Variants in CELF4 observed in about 807,000 individuals in gnomAD.
The protein encoded by CELF4 is CUG-BP- and ETR-3-like factor 4.
Under a neutral mutation model 59.9 loss-of-function variants are expected in CELF4, and 18 were observed. The observed-to-expected ratio is 0.30, with a 90% CI of 0.21 to 0.45. The LOEUF is 0.45. Ranked by LOEUF, CELF4 falls within the 20% of genes least tolerant of loss-of-function variation. The pLI, the probability that CELF4 is intolerant of heterozygous loss-of-function variation, is 1.00. For missense variants in CELF4, 456 were observed against 689.0 expected (o/e 0.66, Z 3.79); for synonymous variants, 261 against 267.1 (o/e 0.98, Z 0.22).
chr18:37,389,812 A>G (rs2099138366), intron 2 of CELF4, among the ~76,000 whole-genome samples: 1 of 152,154 alleles, frequency 6.6e-6, no homozygotes, highest in African/African-American at 2.4e-5. Context: ...CCCACACTGA[A>G]TCTGGCACAT....
At chr18:37,319,850 G>A (rs1299531210) in intron 3 of CELF4, among the ~76,000 whole-genome samples, 1 of 152,334 alleles carries the variant, frequency 6.6e-6, no homozygotes, top group African/African-American at 2.4e-5. Flanking sequence ...GGGACACTTG[G>A]GCCAGAGCCC....
chr18:37,421,438 T>A (rs748940184), intron 2 of CELF4, among the ~76,000 whole-genome samples: 2 of 152,248 alleles, frequency 1.3e-5, no homozygotes, highest in Non-Finnish European at 2.9e-5. Flanking sequence ...GCTTTCTTCT[T>A]TAGCTGTGGT....
intron 1 of CELF4, among the ~76,000 whole-genome samples, chr18:37,528,605 C>T (rs1045302375): frequency 5.3e-5 from 8 of 152,156 alleles, no homozygotes; most frequent in Admixed American, 3.9e-4. Flanking sequence ...ATTCCAGTTT[C>T]CACAACAGAA....
At chr18:37,496,176 T>TG (rs1164197527) in intron 1 of CELF4, among the ~76,000 whole-genome samples, 3 of 152,246 alleles carry the variant, frequency 2.0e-5, no homozygotes, top group Non-Finnish European at 4.4e-5. Flanking sequence ...CAGCCCTTGC[T>TG]GGGTCTCCTT....
At chr18:37,427,932 C>T (rs1473763068) in intron 2 of CELF4, among the ~76,000 whole-genome samples, 1 of 152,198 alleles carries the variant, frequency 6.6e-6, no homozygotes, top group Non-Finnish European at 1.5e-5. Context: ...TTTTACTAGG[C>T]CAGACTTCTA....
At chr18:37,353,707 C>A (rs1269032857) in intron 2 of CELF4, among the ~76,000 whole-genome samples, 1 of 133,654 alleles carries the variant, frequency 7.5e-6, no homozygotes, top group Non-Finnish European at 1.5e-5. Context: ...CCTGCCCAGA[C>A]TTCAGGTAGA....
At chr18:37,496,047 T>G (rs932505174) in intron 1 of CELF4, among the ~76,000 whole-genome samples, 1 of 151,904 alleles carries the variant, frequency 6.6e-6, no homozygotes, top group Non-Finnish European at 1.5e-5. Context: ...CTGTGGGCCT[T>G]TTCTTATTCC....
chr18:37,318,954 C>G (rs929803360), intron 3 of CELF4, among the ~76,000 whole-genome samples: 9 of 152,262 alleles, frequency 5.9e-5, no homozygotes, highest in African/African-American at 2.2e-4. Flanking sequence ...TTCATGCCAT[C>G]CCCCCTTCTC....
At chr18:37,353,220 C>CAA (rs768540669) in intron 2 of CELF4, among the ~76,000 whole-genome samples, 5,466 of 96,598 alleles carry the variant, frequency 0.057, 266 homozygotes, top group African/African-American at 0.071. Context: ...GACTCCGTCT[C>CAA]AAAAAAAAAA....
At chr18:37,310,846 C>G (rs1033327621) in intron 3 of CELF4, among the ~76,000 whole-genome samples, 1 of 152,190 alleles carries the variant, frequency 6.6e-6, no homozygotes, top group African/African-American at 2.4e-5. Context: ...TGGGAACTTT[C>G]TCTCCTCTCG....
chr18:37,484,897 T>A (rs1334108095), intron 2 of CELF4, among the ~76,000 whole-genome samples: 1 of 152,022 alleles, frequency 6.6e-6, no homozygotes, highest in Non-Finnish European at 1.5e-5. Flanking sequence ...CTCTCCCCCC[T>A]CACCACCGCC....
intron 3 of CELF4, among the ~76,000 whole-genome samples, chr18:37,304,532 G>C (rs533357194): frequency 2.0e-5 from 3 of 151,956 alleles, no homozygotes; most frequent in Admixed American, 6.6e-5. Context: ...AGGACAAACC[G>C]ACCAAAGAAT....
chr18:37,473,310 T>C (rs2099839332), intron 2 of CELF4: 1 of 152,140 alleles, frequency 6.6e-6, no homozygotes, highest in African/African-American at 2.4e-5. Context: ...GCCGACCCAC[T>C]TTCAGAGGGT....
intron 2 of CELF4, among the ~76,000 whole-genome samples, chr18:37,389,664 CCT>C (rs1334348858): frequency 2.0e-5 from 3 of 152,146 alleles, no homozygotes; most frequent in Non-Finnish European, 4.4e-5. Flanking sequence ...CACACACACC[CCT>C]GAGGATGGTC....
chr18:37,452,829 C>G (rs956481278), intron 2 of CELF4, among the ~76,000 whole-genome samples: 1 of 152,212 alleles, frequency 6.6e-6, no homozygotes, highest in East Asian at 1.9e-4. Context: ...TTCGCCTCTG[C>G]ATAGCCACAT....
Position 37,459,499 on chromosome 18 carries a change from C to T in CELF4, c.369+26026G>A, listed in dbSNP as rs1410184727. ...TCTTAGCATGGAGTCCTCACATTTT[C>T]ATAACCACAGTCATCCACAGGATTC... On this transcript the variant is annotated intron_variant, in intron 2 of 12. Coordinates refer to ENST00000420428, the MANE Select transcript of CELF4 (RefSeq NM_020180.4). 9.9e-5 allele frequency among the ~76,000 whole-genome samples: 15 copies of T among 152,162 alleles called. 1 individual carries two copies. Among genetic ancestry groups the T allele is most frequent in the Admixed American group, 9.8e-4 (15 of 15,282 alleles).
chr18:37,329,517 T>C (rs1171308558), intron 2 of CELF4, among the ~76,000 whole-genome samples: 2 of 152,260 alleles, frequency 1.3e-5, no homozygotes, highest in Non-Finnish European at 2.9e-5. Flanking sequence ...GACTCATCTT[T>C]GCTGAGTCAT....
chr18:37,430,060 C>T (rs577911801), intron 2 of CELF4, among the ~76,000 whole-genome samples: 5 of 152,324 alleles, frequency 3.3e-5, no homozygotes, highest in South Asian at 2.1e-4. Context: ...AGGAACAGTG[C>T]GGCTCTCACT....
chr18:37,309,997 G>A (rs2096586966), intron 3 of CELF4, among the ~76,000 whole-genome samples: 1 of 151,538 alleles, frequency 6.6e-6, no homozygotes, highest in South Asian at 2.1e-4. Flanking sequence ...GCCCCAGGCA[G>A]TATGATTTCT....
Sources: allele counts gnomAD v4.1 joint callset (sites outside exome capture counted in the v4.1 genomes callset), GRCh38; gene constraint gnomAD v4.1.1; transcripts MANE v1.5; gene names NCBI Gene and HGNC (gene_info 2026-07-23, HGNC 2026-07-21).